Variants in RBPJ observed in about 807,000 individuals in gnomAD.
RBPJ encodes the protein recombination signal binding protein for immunoglobulin kappa J region.
Under a neutral mutation model 67.8 loss-of-function variants are expected in RBPJ, and 9 were observed. The ratio of observed to expected loss-of-function variants is 0.13; its 90% CI spans 0.08 to 0.23. The LOEUF (loss-of-function observed/expected upper bound fraction) is 0.23. Ranked by LOEUF, RBPJ falls within the 10% of genes least tolerant of loss-of-function variation. RBPJ has a pLI of 1.00. For synonymous variants in RBPJ, 198 were observed against 203.3 expected, an observed-to-expected ratio of 0.97 and a Z score of 0.22; for missense variants, 305 against 595.6, an observed-to-expected ratio of 0.51 and a Z score of 5.08.
intron 3 of RBPJ, chr4:26,410,181 G>C (rs1439545015): frequency 3.0e-6 from 1 of 337,182 alleles, no homozygotes; most frequent in Non-Finnish European, 5.8e-6. Flanking sequence ...CTTTCTTGCC[G>C]ATCCTGGTTC....
intron 1 of RBPJ, among the ~76,000 whole-genome samples, chr4:26,227,907 GT>G (rs1372037201): frequency 6.6e-6 from 1 of 152,180 alleles, no homozygotes; most frequent in African/African-American, 2.4e-5. Context: ...AACATCCTTG[GT>G]TTCTGTGCTT....
intron 2 of RBPJ, among the ~76,000 whole-genome samples, chr4:26,401,326 CAAGCT>C (rs1171679243): frequency 7.9e-5 from 12 of 152,226 alleles, no homozygotes; most frequent in Non-Finnish European, 1.3e-4. Flanking sequence ...TTTGTCCTCA[CAAGCT>C]AGGCTACGCA....
the RBPJ span, among the ~76,000 whole-genome samples, chr4:26,119,232 ATTGTCTCAT>A: frequency 1.6e-4 from 25 of 152,238 alleles, no homozygotes; most frequent in Non-Finnish European, 3.4e-4. Context: ...TTTCACATCC[ATTGTCTCAT>A]TTCTCTGACA....
chr4:26,176,507 A>G (rs1716799669), intron 1 of RBPJ, among the ~76,000 whole-genome samples: 1 of 152,234 alleles, frequency 6.6e-6, no homozygotes, highest in African/African-American at 2.4e-5. Flanking sequence ...ATCACTCAGT[A>G]AACAGCTGCT....
chr4:26,280,488 T>C (rs1485425458), intron 1 of RBPJ, among the ~76,000 whole-genome samples: 2 of 151,576 alleles, frequency 1.3e-5, no homozygotes, highest in Non-Finnish European at 2.9e-5. Context: ...GTGCCTCAGA[T>C]AACTTAAGGA....
At chr4:26,397,589 C>G (rs1732268670) in intron 2 of RBPJ, among the ~76,000 whole-genome samples, 2 of 152,118 alleles carry the variant, frequency 1.3e-5, no homozygotes, top group South Asian at 4.1e-4. Flanking sequence ...GGGCCACATA[C>G]TATCTCTGTT....
In RBPJ at chr4:26,214,881, AAG is replaced by A. The variant is rs1211181543; in HGVS notation, c.-167+51275_-167+51276del. Among the ~76,000 whole-genome samples, 170 of 59,164 alleles carry A rather than the reference AAG, an allele frequency of 2.9e-3. 7 individuals carry two copies. Among genetic ancestry groups the A allele is most frequent in the Middle Eastern group, 0.018 (2 of 112 alleles). 38.8% of individuals were successfully genotyped at this position (59,164 alleles called of 152,430 possible). A position where few individuals can be genotyped will look rare whatever the true frequency, so the allele number is the denominator to read the frequency against. ...GAGGAAAGAGAAAATGAAAAAGAAA[AAG>A]AGAGAGAAAAAAGAGAAAAAGAAAG... On this transcript the variant is annotated intron_variant, in intron 1 of 4. Coordinates refer to the RBPJ transcript ENST00000512351.
At chr4:26,145,612 A>G in the RBPJ span, among the ~76,000 whole-genome samples, 1 of 152,172 alleles carries the variant, frequency 6.6e-6, no homozygotes, top group South Asian at 2.1e-4. Flanking sequence ...AGGACTGGGG[A>G]CTTCTAAAAT....
At chr4:26,347,459 T>C (rs1265191080) in intron 1 of RBPJ, among the ~76,000 whole-genome samples, 1 of 152,156 alleles carries the variant, frequency 6.6e-6, no homozygotes, top group East Asian at 1.9e-4. Flanking sequence ...ATTACAACAA[T>C]GAAGACAGAG....
the RBPJ span, among the ~76,000 whole-genome samples, chr4:26,148,694 G>A: frequency 6.6e-6 from 1 of 152,252 alleles, no homozygotes; most frequent in African/African-American, 2.4e-5. Flanking sequence ...CTGGCAGTTT[G>A]TCTGGAGACT....
At chr4:26,139,463 C>A in the RBPJ span, among the ~76,000 whole-genome samples, 2 of 152,226 alleles carry the variant, frequency 1.3e-5, no homozygotes, top group African/African-American at 4.8e-5. Context: ...TCCACAGTGG[C>A]ATGCGGGCTC....
chr4:26,265,139 G>C (rs1720661038), intron 1 of RBPJ, among the ~76,000 whole-genome samples: 3 of 152,310 alleles, frequency 2.0e-5, no homozygotes, highest in Non-Finnish European at 2.9e-5. Flanking sequence ...AATGGGAAAA[G>C]TTACTAGAAG....
chr4:26,355,055 C>T (rs1196002594), intron 1 of RBPJ, among the ~76,000 whole-genome samples: 1 of 151,872 alleles, frequency 6.6e-6, no homozygotes, highest in Non-Finnish European at 1.5e-5. Context: ...TGTCTCCTGC[C>T]GTATTTTTTT....
chr4:26,137,664 C>G, the RBPJ span, among the ~76,000 whole-genome samples: 2 of 152,192 alleles, frequency 1.3e-5, no homozygotes, highest in Admixed American at 1.3e-4. Flanking sequence ...TCCTGAGGAT[C>G]TAACAGAGGA....
At chr4:26,157,899 T>G in the RBPJ span, among the ~76,000 whole-genome samples, 1 of 152,178 alleles carries the variant, frequency 6.6e-6, no homozygotes, top group Non-Finnish European at 1.5e-5. Context: ...TCCAGACATG[T>G]TAGCAAAATA....
chr4:26,210,751 C>CTTT (rs371352569), intron 1 of RBPJ, among the ~76,000 whole-genome samples: 2,599 of 105,086 alleles, frequency 0.025, 50 homozygotes, highest in Non-Finnish European at 0.031. Context: ...TTCCTTCTTT[C>CTTT]CTTCTTTCTT....
chr4:26,214,699 T>TGGAA (rs143452566), intron 1 of RBPJ, among the ~76,000 whole-genome samples: 1,369 of 58,594 alleles, frequency 0.023, 40 homozygotes, highest in African/African-American at 0.082. Flanking sequence ...GGAGGAAGGA[T>TGGAA]GGAAGGAAGG....
At chr4:26,348,599 A>G (rs1384874359) in intron 1 of RBPJ, among the ~76,000 whole-genome samples, 1 of 152,248 alleles carries the variant, frequency 6.6e-6, no homozygotes, top group Non-Finnish European at 1.5e-5. Context: ...ATACTGAAAT[A>G]TGTACATAAA....
intron 1 of RBPJ, among the ~76,000 whole-genome samples, chr4:26,185,615 A>G (rs1171633494): frequency 1.3e-5 from 2 of 152,188 alleles, no homozygotes; most frequent in African/African-American, 4.8e-5. Context: ...TGAATAAGGC[A>G]TTTGTATGGT....
Sources: allele counts gnomAD v4.1 joint callset (sites outside exome capture counted in the v4.1 genomes callset), GRCh38; gene constraint gnomAD v4.1.1; transcripts MANE v1.5; gene names NCBI Gene and HGNC (gene_info 2026-07-23, HGNC 2026-07-21).